The following HAUS1 variants were observed in gnomAD, a reference collection of about 807,000 sequenced individuals.
HAUS1 encodes HAUS augmin like complex subunit 1.
HAUS1 carries 25 observed loss-of-function variants against 38.6 expected under a neutral mutation model. The observed-to-expected ratio is 0.65, with a 90% CI of 0.47 to 0.91. HAUS1 has a LOEUF of 0.91. Ranked by LOEUF, HAUS1 falls within the 40% of genes least tolerant of loss-of-function variation. The pLI, the probability that HAUS1 is intolerant of heterozygous loss-of-function variation, is 0.00. For missense variants in HAUS1, 325 were observed against 328.4 expected, an observed-to-expected ratio of 0.99 and a Z score of 0.08; for synonymous variants, 109 against 112.9, an observed-to-expected ratio of 0.97 and a Z score of 0.22.
At chr18:46,108,940 G>A (rs1263456430) in intron 2 of HAUS1, among the ~76,000 whole-genome samples, 4 of 151,864 alleles carry the variant, frequency 2.6e-5, no homozygotes, top group Admixed American at 6.6e-5. Flanking sequence ...GCATGGTGGC[G>A]GGCGCCTGTA....
intron 2 of HAUS1, among the ~76,000 whole-genome samples, chr18:46,114,328 T>C (rs2144254360): frequency 6.6e-6 from 1 of 152,344 alleles, no homozygotes; most frequent in African/African-American, 2.4e-5. Context: ...CCATCTGTTT[T>C]ATGACTTGAT....
At chr18:46,115,518 C>T (rs1487778616) in intron 2 of HAUS1, among the ~76,000 whole-genome samples, 2 of 148,978 alleles carry the variant, frequency 1.3e-5, no homozygotes, top group African/African-American at 2.5e-5. Flanking sequence ...GTCCCAGCTA[C>T]TTGGGAGGCT....
At chr18:46,124,700 C>T (rs535535044) in intron 6 of HAUS1, 122 bp from the exon 7 acceptor site, 12 of 544,804 alleles carry the variant, frequency 2.2e-5, no homozygotes, top group East Asian at 1.8e-4. Context: ...GCTTTTTATT[C>T]GATAACGTTA....
chr18:46,119,433 G>A (rs1403369004), intron 3 of HAUS1, among the ~76,000 whole-genome samples: 6 of 151,910 alleles, frequency 3.9e-5, no homozygotes, highest in African/African-American at 1.5e-4. Context: ...TACAAATAAT[G>A]TGTATTTTAG....
At position 46,127,881 on chromosome 18, in the gene HAUS1, G is replaced by A. The variant is rs554048108; in HGVS notation, c.787-194G>A. ...TTCTTAGAATCACTTAGGAGTCTGA[G>A]TGCTTTTGCAGGGGAAGAGGGGAGA... On this transcript the variant is annotated intron_variant, in intron 8 of 8. Transcript: ENST00000282058. Among the ~76,000 whole-genome samples the A allele has an allele frequency of 2.0e-5, 3 of 152,190 alleles. No homozygotes were observed. In the East Asian group the frequency reaches 5.8e-4, roughly 29 times the overall value.
chr18:46,105,099 C>A, intron 1 of HAUS1, 95 bp from the exon 2 acceptor site: 1 of 807,196 alleles, frequency 1.2e-6, no homozygotes, highest in Non-Finnish European at 1.9e-6. Flanking sequence ...TCACAGAAAG[C>A]ATTTAGTTTG....
At chr18:46,122,423 T>TGAG in intron 4 of HAUS1, 44 bp from the exon 5 acceptor site, 1 of 1,594,478 alleles carries the variant, frequency 6.3e-7, no homozygotes, top group Non-Finnish European at 8.6e-7. Flanking sequence ...ATACTTTTAC[T>TGAG]GAGAAGAAGA....
intron 2 of HAUS1, among the ~76,000 whole-genome samples, chr18:46,107,096 A>G (rs1911500934): frequency 1.3e-5 from 2 of 152,258 alleles, no homozygotes; most frequent in East Asian, 1.9e-4. Context: ...TACCATTTTA[A>G]TACACTTAGA....
At chr18:46,107,465 A>T (rs1911508906) in intron 2 of HAUS1, among the ~76,000 whole-genome samples, 1 of 152,214 alleles carries the variant, frequency 6.6e-6, no homozygotes, top group South Asian at 2.1e-4. Flanking sequence ...AAATTTTAAC[A>T]CAATTTTTAT....
Position 46,118,239 on chromosome 18 carries a change from T to C in HAUS1, c.264T>C (p.Ser88=). The part of the protein sequence containing the change: ...ESVNFSPANL[S]STGSRYLNAL... Reference sequence around the variant, plus strand: ...TGAATTTTTCCCCCGCCAATCTCTCTAGCACTGGTTCCAGGTATCTGAATG... The same window carrying C: ...TGAATTTTTCCCCCGCCAATCTCTCCAGCACTGGTTCCAGGTATCTGAATG... The change falls in exon 3 of 9, where the codon TCT becomes TCC. Residue 88 remains serine, a synonymous_variant. Transcript: ENST00000282058. 6.2e-7 allele frequency: 1 copy of C among 1,612,578 alleles called. No homozygotes were observed. The highest frequency in any genetic ancestry group is 8.5e-7 in the Non-Finnish European group (1 of 1,179,902).
At chr18:46,122,358 C>A in intron 4 of HAUS1, 109 bp from the exon 5 acceptor site, 1 of 1,099,510 alleles carries the variant, frequency 9.1e-7, no homozygotes, top group Non-Finnish European at 1.3e-6. Flanking sequence ...ACCTGGTTAC[C>A]AACTCTTGGC....
intron 7 of HAUS1, among the ~76,000 whole-genome samples, chr18:46,125,315 C>G (rs1912069794): frequency 6.6e-6 from 1 of 150,682 alleles, no homozygotes; most frequent in Non-Finnish European, 1.5e-5. Context: ...CTTTGGGAGG[C>G]CGAGACGGGC....
At chr18:46,108,752 C>T (rs1028791933) in intron 2 of HAUS1, among the ~76,000 whole-genome samples, 13 of 151,968 alleles carry the variant, frequency 8.6e-5, no homozygotes, top group Non-Finnish European at 1.6e-4. Flanking sequence ...ACTGCTATAA[C>T]GAACTACCTG....
chr18:46,104,765 C>G (rs1911410026), intron 1 of HAUS1, among the ~76,000 whole-genome samples: 1 of 141,316 alleles, frequency 7.1e-6, no homozygotes. Context: ...GCTTCCACAT[C>G]TGAACTGCTT....
chr18:46,119,398 CAT>C (rs981783579), intron 3 of HAUS1, among the ~76,000 whole-genome samples: 4 of 151,534 alleles, frequency 2.6e-5, no homozygotes, highest in African/African-American at 9.7e-5. Context: ...AGGGATGAAT[CAT>C]ATAATTTCTT....
intron 2 of HAUS1, among the ~76,000 whole-genome samples, chr18:46,113,512 T>TTTC (rs60034716): frequency 0.029 from 2 of 70 alleles, no homozygotes; most frequent in South Asian, 0.5. Context: ...TTTCTTACAA[T>TTTC]TTCTCTTCAT....
intron 2 of HAUS1, among the ~76,000 whole-genome samples, chr18:46,117,473 A>G (rs2144257759): frequency 6.6e-6 from 1 of 152,304 alleles, no homozygotes; most frequent in East Asian, 1.9e-4. Context: ...TGTCCCAAAT[A>G]GGCAAATGAA....
At chr18:46,124,458 C>T (rs1285721373) in intron 6 of HAUS1, among the ~76,000 whole-genome samples, 3 of 149,740 alleles carry the variant, frequency 2.0e-5, no homozygotes, top group South Asian at 2.1e-4. Context: ...TGGTGGTGCA[C>T]GCCTGTGGTC....
At chr18:46,127,446 C>T (rs914112508) in intron 8 of HAUS1, among the ~76,000 whole-genome samples, 1 of 150,228 alleles carries the variant, frequency 6.7e-6, no homozygotes, top group African/African-American at 2.5e-5. Context: ...GTGGCTCACA[C>T]CTGTAATCCC....
Sources: allele counts gnomAD v4.1 joint callset (sites outside exome capture counted in the v4.1 genomes callset), GRCh38; gene constraint gnomAD v4.1.1; transcripts MANE v1.5; gene names NCBI Gene and HGNC (gene_info 2026-07-23, HGNC 2026-07-21).